Variants in ADGRL3 observed in about 807,000 individuals in gnomAD.
ADGRL3 encodes the protein adhesion G protein-coupled receptor L3.
In ADGRL3, 62 loss-of-function variants were observed where a neutral mutation model predicts 153.5. That is an observed-to-expected ratio of 0.40 (90% CI 0.33 to 0.50). The LOEUF is 0.50. Ranked by LOEUF, ADGRL3 falls within the 20% of genes least tolerant of loss-of-function variation. ADGRL3 has a pLI of 0.47. For missense variants in ADGRL3, 1,641 were observed against 1,859.4 expected (o/e 0.88, Z 2.16); for synonymous variants, 710 against 672.5 (o/e 1.06, Z -0.86).
At chr4:61,413,533 T>C (rs1173225947) in intron 2 of ADGRL3, among the ~76,000 whole-genome samples, 1 of 152,116 alleles carries the variant, frequency 6.6e-6, no homozygotes, top group Non-Finnish European at 1.5e-5. Flanking sequence ...TTCTTTGGTC[T>C]TTGATAATGT....
At chr4:61,600,469 G>C (rs6835374) in intron 5 of ADGRL3, among the ~76,000 whole-genome samples, 97,223 of 152,038 alleles carry the variant, frequency 0.64, 33,406 homozygotes, top group East Asian at 0.91. Flanking sequence ...ATACTTATGC[G>C]TGATCTGTAA....
At chr4:61,435,955 T>TA (rs141687800) in intron 2 of ADGRL3, among the ~76,000 whole-genome samples, 27 of 152,056 alleles carry the variant, frequency 1.8e-4, no homozygotes, top group African/African-American at 5.1e-4. Context: ...ATTTTAAAAT[T>TA]AAAAAAAATT....
At position 61,733,211 on chromosome 4, in the gene ADGRL3, A is replaced by G; in HGVS notation, c.1056A>G (p.Lys352=). Residue 352 remains lysine, a synonymous_variant, in exon 8 of 27, where the codon AAA becomes AAG. Transcript: ENST00000683033. ...VIYATEQNNG[K]IVISQLNPYT... is the part of the protein sequence containing the mutation. ...ATGCAACAGAACAAAACAATGGTAA[A>G]ATTGTCATTAGTCAATTGAACCCTT... 2.5e-6 allele frequency: 4 copies of G among 1,613,572 alleles called. No homozygotes were observed. Among genetic ancestry groups the G allele is most frequent in the Non-Finnish European group, 2.5e-6 (3 of 1,179,756 alleles).
intron 8 of ADGRL3, among the ~76,000 whole-genome samples, chr4:61,749,410 C>T (rs572583772): frequency 1.3e-5 from 2 of 152,328 alleles, no homozygotes; most frequent in South Asian, 4.1e-4. Flanking sequence ...CACATGCACA[C>T]ATATGTTTAT....
Position 62,075,526 on chromosome 4 carries a change from A to G in ADGRL3, c.*4618A>G, listed in dbSNP as rs149438090. The G allele has an allele frequency of 2.0e-5, 3 of 152,334 alleles. No homozygotes were observed. The highest frequency in any genetic ancestry group is 6.5e-5 in the Admixed American group (1 of 15,284). 9.4% of individuals were successfully genotyped at this position (152,334 alleles called of 1,614,324 possible). On this transcript the variant is annotated 3_prime_UTR_variant, in exon 27 of 27. Transcript: ENST00000683033. ...CTAAGAAAATTTTTGAGATAACAAT[A>G]TATATGAAGTTCCCAGTACATTGTA...
chr4:61,870,620 C>G (rs376065984), intron 9 of ADGRL3, among the ~76,000 whole-genome samples: 1 of 143,716 alleles, frequency 7.0e-6, no homozygotes, highest in Non-Finnish European at 1.5e-5. Flanking sequence ...AGGACAAATA[C>G]CAGATTAAAA....
intron 6 of ADGRL3, among the ~76,000 whole-genome samples, chr4:61,697,955 C>G (rs2095671343): frequency 6.6e-6 from 1 of 152,126 alleles, no homozygotes; most frequent in Non-Finnish European, 1.5e-5. Flanking sequence ...CATTAACTCT[C>G]AAGCTATGGG....
intron 9 of ADGRL3, among the ~76,000 whole-genome samples, chr4:61,851,085 C>CAT (rs146677153): frequency 0.18 from 27,669 of 151,884 alleles, 3,345 homozygotes; most frequent in African/African-American, 0.35. Context: ...TATTTTTAAA[C>CAT]GTGTAATTTT....
chr4:61,373,311 A>G (rs1235361044), intron 1 of ADGRL3, among the ~76,000 whole-genome samples: 1 of 152,152 alleles, frequency 6.6e-6, no homozygotes, highest in African/African-American at 2.4e-5. Flanking sequence ...TATTGTAATA[A>G]CCACAGCATG....
In ADGRL3 at chr4:61,706,745, T is replaced by C. The variant is rs190282942; in HGVS notation, c.584-23877T>C. The stretch of plus-strand genomic sequence containing the variant: ...GGGAATATTATGGCTCATTGGATCT[T>C]CTATCCAGTTCACTAAAACTTTTTC... On this transcript the variant is annotated intron_variant, in intron 6 of 26. Transcript: ENST00000683033. Among the ~76,000 whole-genome samples, 498 of 152,302 alleles carry C rather than the reference T, an allele frequency of 3.3e-3. 2 individuals are homozygous for C. Among genetic ancestry groups the C allele is most frequent in the Non-Finnish European group, 5.5e-3 (372 of 68,020 alleles).
chr4:61,604,709 T>C lies in ADGRL3; in HGVS notation c.473+17269T>C, dbSNP rs141620584. On this transcript the variant is annotated intron_variant, in intron 5 of 26. Transcript: ENST00000683033. ...TACCAAATGAGGCATTGTTAGATAA[T>C]GCATAGTAAATGGTATGATTCATTT... Among the ~76,000 whole-genome samples the C allele has an allele frequency of 3.3e-5, 5 of 152,190 alleles. No homozygotes were observed. In the South Asian group the frequency reaches 6.2e-4, roughly 19 times the overall value.
At chr4:61,424,978 G>A (rs796658514) in intron 2 of ADGRL3, among the ~76,000 whole-genome samples, 37 of 152,232 alleles carry the variant, frequency 2.4e-4, no homozygotes, top group African/African-American at 8.4e-4. Flanking sequence ...CAGGTACAAG[G>A]GCCAGTCCAG....
At chr4:61,428,868 T>TATATC (rs2097315545) in intron 2 of ADGRL3, among the ~76,000 whole-genome samples, 1 of 121,030 alleles carries the variant, frequency 8.3e-6, no homozygotes, top group Non-Finnish European at 1.9e-5. Flanking sequence ...TCTATCTATC[T>TATATC]ATCTATATCA....
chr4:61,905,703 T>C (rs2098692205), intron 11 of ADGRL3, among the ~76,000 whole-genome samples: 1 of 152,054 alleles, frequency 6.6e-6, no homozygotes, highest in South Asian at 2.1e-4. Context: ...GAGACCAGCC[T>C]GGCCAAAATG....
intron 3 of ADGRL3, among the ~76,000 whole-genome samples, chr4:61,509,118 T>C (rs1389205791): frequency 7.4e-6 from 1 of 135,212 alleles, no homozygotes; most frequent in Non-Finnish European, 1.6e-5. Flanking sequence ...CCAAACCATA[T>C]CACATCTTTT....
At chr4:61,400,186 A>C (rs992855431) in intron 2 of ADGRL3, among the ~76,000 whole-genome samples, 1 of 151,764 alleles carries the variant, frequency 6.6e-6, no homozygotes. Context: ...TGCATGGTTA[A>C]TGTATCTAGA....
intron 21 of ADGRL3, among the ~76,000 whole-genome samples, chr4:62,015,217 A>T (rs1234882920): frequency 6.6e-6 from 1 of 152,170 alleles, no homozygotes. Flanking sequence ...ACAGCTATGT[A>T]TTCTAAAAAG....
chr4:61,233,185 A>G (rs1265701546), intron 1 of ADGRL3, among the ~76,000 whole-genome samples: 2 of 152,236 alleles, frequency 1.3e-5, no homozygotes, highest in Non-Finnish European at 2.9e-5. Flanking sequence ...CATTTAAGGT[A>G]TTAAACTTAG....
chr4:61,714,375 A>AACACAC (rs536622577), intron 6 of ADGRL3, among the ~76,000 whole-genome samples: 1 of 147,400 alleles, frequency 6.8e-6, no homozygotes, highest in Admixed American at 6.7e-5. Flanking sequence ...CACACACACA[A>AACACAC]ACACACACAC....
Sources: gnomAD v4.1 joint callset for allele counts (sites outside exome capture counted in the v4.1 genomes callset) on GRCh38, gnomAD v4.1.1 for gene constraint, MANE v1.5 for transcripts, NCBI Gene and HGNC (gene_info 2026-07-23, HGNC 2026-07-21) for gene names.